The following RTN4RL1 variants were observed in gnomAD, a reference collection of about 807,000 sequenced individuals.
RTN4RL1 encodes reticulon-4 receptor-like 1.
Under a neutral mutation model 25.6 loss-of-function variants are expected in RTN4RL1, and 7 were observed. The ratio of observed to expected loss-of-function variants is 0.27; its 90% confidence interval spans 0.16 to 0.51. The LOEUF (loss-of-function observed/expected upper bound fraction) is 0.51, where lower values mean the gene tolerates loss of function less well. Ranked by LOEUF, RTN4RL1 falls within the 20% of genes least tolerant of loss-of-function variation. RTN4RL1 has a pLI of 0.97. For missense variants in RTN4RL1, 500 were observed against 615.6 expected (o/e 0.81, Z 1.99); for synonymous variants, 297 against 288.2 (o/e 1.03, Z -0.31).
intron 1 of RTN4RL1, among the ~76,000 whole-genome samples, chr17:1,942,141 A>G (rs1323192426): frequency 6.6e-6 from 1 of 151,882 alleles, no homozygotes; most frequent in African/African-American, 2.4e-5. Context: ...GGCCTCCCCC[A>G]AAACTCCCCC....
intron 1 of RTN4RL1, among the ~76,000 whole-genome samples, chr17:2,008,740 C>A (rs916067516): frequency 6.6e-6 from 1 of 152,130 alleles, no homozygotes; most frequent in South Asian, 2.1e-4. Flanking sequence ...GGCCTAAGCA[C>A]GGGTTGTCGC....
intron 1 of RTN4RL1, among the ~76,000 whole-genome samples, chr17:1,983,126 C>T (rs1274723603): frequency 1.3e-5 from 2 of 151,942 alleles, no homozygotes; most frequent in Admixed American, 1.3e-4. Flanking sequence ...TCTCGGCTCA[C>T]TGCAACCTCC....
At chr17:2,011,370 G>A (rs1413784261) in intron 1 of RTN4RL1, among the ~76,000 whole-genome samples, 1 of 152,244 alleles carries the variant, frequency 6.6e-6, no homozygotes, top group Non-Finnish European at 1.5e-5. Context: ...AGAACTGGTC[G>A]GTGATCATGG....
intron 1 of RTN4RL1, among the ~76,000 whole-genome samples, chr17:2,005,739 T>TCTCTC (rs2066988882): frequency 6.9e-6 from 1 of 145,128 alleles, no homozygotes; most frequent in Non-Finnish European, 1.5e-5. Context: ...CTCTCTCTCT[T>TCTCTC]TCTCTCTCTC....
At chr17:1,947,186 G>A (rs1243858266) in intron 1 of RTN4RL1, among the ~76,000 whole-genome samples, 2 of 144,458 alleles carry the variant, frequency 1.4e-5, no homozygotes, top group Non-Finnish European at 3.2e-5. Context: ...CTGTGTGACT[G>A]TGTGTCTGTG....
chr17:1,949,629 C>G (rs1176065521), intron 1 of RTN4RL1, among the ~76,000 whole-genome samples: 1 of 152,210 alleles, frequency 6.6e-6, no homozygotes, highest in African/African-American at 2.4e-5. Flanking sequence ...GGTTCTGAAT[C>G]TATCCCCACT....
intron 1 of RTN4RL1, chr17:1,995,580 C>T (rs762650693): frequency 3.3e-5 from 5 of 152,250 alleles, no homozygotes; most frequent in African/African-American, 4.8e-5. Context: ...TCACTGTCGC[C>T]GGAAGTCCCA....
intron 1 of RTN4RL1, among the ~76,000 whole-genome samples, chr17:1,948,695 C>T (rs373572599): frequency 2.0e-5 from 3 of 148,460 alleles, no homozygotes; most frequent in Non-Finnish European, 3.0e-5. Context: ...TCCGTGGCGA[C>T]GAGACCGTCC....
Position 1,995,158 on chromosome 17 carries a change from G to A in RTN4RL1, c.13+29695C>T, listed in dbSNP as rs2066923888. 2.0e-5 allele frequency among the ~76,000 whole-genome samples: 3 copies of A among 152,154 alleles called. No homozygotes were observed. The South Asian group carries it at 6.2e-4, about 31-fold the overall frequency. On this transcript the variant is annotated intron_variant, in intron 1 of 1. Coordinates refer to ENST00000331238, the MANE Select transcript of RTN4RL1 (RefSeq NM_178568.4). Reference sequence around the variant, plus strand: ...GGGCCGAGTGCAGGGGCTCACACCTGTAATCCCAGCACTTTGGGAGGCCAA... The same window carrying A: ...GGGCCGAGTGCAGGGGCTCACACCTATAATCCCAGCACTTTGGGAGGCCAA...
At chr17:1,943,818 T>C (rs750904448) in intron 1 of RTN4RL1, among the ~76,000 whole-genome samples, 2 of 152,176 alleles carry the variant, frequency 1.3e-5, no homozygotes, top group Non-Finnish European at 2.9e-5. Context: ...TCCCTCGTCC[T>C]ATTGCTGGAC....
chr17:2,010,378 G>A (rs2067035563), intron 1 of RTN4RL1, among the ~76,000 whole-genome samples: 1 of 152,146 alleles, frequency 6.6e-6, no homozygotes, highest in Non-Finnish European at 1.5e-5. Flanking sequence ...TCAGGAGGCT[G>A]AGGCACGAGA....
chr17:1,991,032 T>C (rs147514604), intron 1 of RTN4RL1, among the ~76,000 whole-genome samples: 11 of 152,248 alleles, frequency 7.2e-5, no homozygotes, highest in African/African-American at 2.6e-4. Flanking sequence ...CATGTGCAAT[T>C]TGGATGCCTG....
At chr17:2,021,383 C>T (rs1251624795) in intron 1 of RTN4RL1, among the ~76,000 whole-genome samples, 3 of 152,072 alleles carry the variant, frequency 2.0e-5, no homozygotes, top group Non-Finnish European at 2.9e-5. Context: ...GGTTTTTTCT[C>T]TTCCCTCCTT....
At chr17:2,021,850 C>T (rs1025889049) in intron 1 of RTN4RL1, among the ~76,000 whole-genome samples, 5 of 134,846 alleles carry the variant, frequency 3.7e-5, no homozygotes, top group Admixed American at 2.4e-4. Flanking sequence ...CCACTGTGCC[C>T]GGTCTTTTTT....
chr17:1,997,778 G>A (rs2066936021), intron 1 of RTN4RL1, among the ~76,000 whole-genome samples: 1 of 152,242 alleles, frequency 6.6e-6, no homozygotes, highest in Non-Finnish European at 1.5e-5. Context: ...AGGACTCGGA[G>A]GTCAGGCCTG....
At chr17:1,991,472 A>AAC (rs1567518490) in intron 1 of RTN4RL1, among the ~76,000 whole-genome samples, 3 of 149,582 alleles carry the variant, frequency 2.0e-5, no homozygotes, top group African/African-American at 7.4e-5. Flanking sequence ...AACAAAAAAA[A>AAC]ACTTCAAAGA....
At chr17:1,984,972 AAAAAAAG>A (rs1168165347) in intron 1 of RTN4RL1, among the ~76,000 whole-genome samples, 2 of 152,198 alleles carry the variant, frequency 1.3e-5, no homozygotes, top group Admixed American at 6.5e-5. Flanking sequence ...CATCTCAAAA[AAAAAAAG>A]AAAAAAGAAA....
chr17:1,995,148 G>A (rs948273251), intron 1 of RTN4RL1, among the ~76,000 whole-genome samples: 8 of 152,140 alleles, frequency 5.3e-5, no homozygotes, highest in Non-Finnish European at 5.9e-5. Flanking sequence ...GAGTGCAGGG[G>A]CTCACACCTG....
intron 1 of RTN4RL1, among the ~76,000 whole-genome samples, chr17:1,938,848 C>T (rs188827755): frequency 6.3e-4 from 94 of 149,868 alleles, no homozygotes; most frequent in African/African-American, 2.1e-3. Context: ...GTCAGGAGTT[C>T]AACACCACCC....
Sources: gnomAD v4.1 joint callset for allele counts (sites outside exome capture counted in the v4.1 genomes callset) on GRCh38, gnomAD v4.1.1 for gene constraint, MANE v1.5 for transcripts, NCBI Gene and HGNC (gene_info 2026-07-23, HGNC 2026-07-21) for gene names.